BMX: variants seen among roughly 807,000 people sequenced by gnomAD.
The protein encoded by BMX is BMX non-receptor tyrosine kinase, also known as cytoplasmic tyrosine-protein kinase BMX.
BMX carries 31 observed loss-of-function variants against 59.2 expected under a neutral mutation model. The ratio of observed to expected loss-of-function variants is 0.52; its 90% CI spans 0.39 to 0.71. The LOEUF is 0.71. Ranked by LOEUF, BMX falls within the 30% of genes least tolerant of loss-of-function variation. BMX has a pLI of 0.00. For missense variants in BMX, 474 were observed against 491.7 expected, an observed-to-expected ratio of 0.96 and a Z score of 0.34; for synonymous variants, 185 against 181.0, an observed-to-expected ratio of 1.02 and a Z score of -0.18.
At chrX:15,518,703 A>G (rs886347431) in intron 6 of BMX, among the ~76,000 whole-genome samples, 6 of 111,184 alleles carry the variant, frequency 5.4e-5, no homozygotes, top group Non-Finnish European at 1.1e-4. Flanking sequence ...GCTGAGATTC[A>G]TGGCCCTTTC....
In BMX at chrX:15,546,909, G is replaced by C. The variant is rs746626126; in HGVS notation, c.1783G>C (p.Val595Leu). The C allele has an allele frequency of 2.5e-6, 3 of 1,206,075 alleles. No homozygotes were observed. The highest frequency in any genetic ancestry group is 3.4e-6 in the Non-Finnish European group (3 of 890,740). The change falls in exon 17 of 19, where the codon GTA (valine) becomes CTA (leucine). Residue 595 changes from valine to leucine, a missense_variant. Transcript: ENST00000348343. ...HYFKYSSKSD[V>L]WAFGILMWEV... Reference sequence around the variant, plus strand: ...CTTCAAATACAGCAGCAAGTCAGACGTATGGGCATTTGGTAAGGATGTGGC... The same window carrying C: ...CTTCAAATACAGCAGCAAGTCAGACCTATGGGCATTTGGTAAGGATGTGGC...
intron 16 of BMX, among the ~76,000 whole-genome samples, chrX:15,543,918 C>G (rs1925823048): frequency 8.9e-6 from 1 of 111,851 alleles, no homozygotes; most frequent in African/African-American, 3.2e-5. Context: ...CGAAGACATA[C>G]ACATTAACCT....
intron 9 of BMX, 79 bp from the exon 10 acceptor site, chrX:15,529,894 T>C: frequency 1.1e-6 from 1 of 940,200 alleles, no homozygotes. Flanking sequence ...TGCCTCATTT[T>C]ACAGATTAGA....
In BMX at chrX:15,521,796, C is replaced by T. The variant is rs764977354; in HGVS notation, c.511-550C>T. On this transcript the variant is annotated intron_variant, in intron 6 of 18. Transcript: ENST00000348343. ...AAAATCCAGAATAGTTGCCCCATCT[C>T]GAAATCCTTAATTACAATCTGCAAA... Among the ~76,000 whole-genome samples, 4 of 111,601 alleles carry T rather than the reference C, an allele frequency of 3.6e-5. No individual in the cohort carries two copies. The East Asian group carries it at 1.1e-3, about 32-fold the overall frequency.
At chrX:15,519,115 T>C (rs1235587640) in intron 6 of BMX, among the ~76,000 whole-genome samples, 1 of 111,772 alleles carries the variant, frequency 8.9e-6, no homozygotes, top group East Asian at 2.8e-4. Context: ...TTTTTAGGGT[T>C]CCCAGGCAGG....
rs1284788838 is a variant in BMX, at chrX:15,509,351, C to T, written c.161C>T (p.Ser54Phe). 25 of 1,201,945 alleles carry T rather than the reference C, an allele frequency of 2.1e-5. No individual in the cohort carries two copies. Among genetic ancestry groups the T allele is most frequent in the Non-Finnish European group, 2.8e-5 (25 of 891,732 alleles). The change falls in exon 3 of 19, where the codon TCC becomes TTC. Residue 54 changes from serine to phenylalanine, a missense_variant. Ser to Phe is a radical substitution (Grantham distance 155). Transcript: ENST00000348343. The part of the protein sequence containing the change: ...DKMKRGSRKG[S>F]IEIKKIRCVE... ...CAGAAAAGGGGCAGCAGAAAAGGAT[C>T]CATTGAAATTAAGAAAATCAGATGT...
intron 10 of BMX, among the ~76,000 whole-genome samples, 153 bp downstream of exon 10, chrX:15,530,180 A>G (rs773110872): frequency 3.3e-4 from 37 of 111,945 alleles, no homozygotes; most frequent in African/African-American, 1.2e-3. Context: ...CCGACTCTTC[A>G]TGTCTAGCCA....
At chrX:15,509,269 C>T in intron 2 of BMX, 60 bp from the exon 3 acceptor site, 1 of 737,311 alleles carries the variant, frequency 1.4e-6, no homozygotes, top group Non-Finnish European at 1.8e-6. Flanking sequence ...GGCTTTATGC[C>T]TTTCCTTGTG....
rs748278256 is a variant in BMX at position 15,518,030 on chromosome X, G to T, written c.510+37G>T. The T allele has an allele frequency of 5.4e-6, 6 of 1,102,448 alleles. No homozygotes were observed. The East Asian group carries it at 1.8e-4, about 33-fold the overall frequency. The allele number at this position is 1,102,448 out of a possible 1,213,427, so 90.9% of individuals were successfully genotyped here. A position where few individuals can be genotyped will look rare whatever the true frequency, so the allele number is the denominator to read the frequency against. The stretch of plus-strand genomic sequence containing the variant: ...TTTTAAAAATGTTTTTCATGGTCAG[G>T]ATATATTAAATAAACCAAGAGTTGC... On this transcript the variant is annotated intron_variant, in intron 6 of 18. Coordinates refer to ENST00000348343, the MANE Select transcript of BMX (RefSeq NM_203281.3).
chrX:15,527,283 TAC>T lies in BMX; in HGVS notation c.884+1206_884+1207del, dbSNP rs1215070031. 1.8e-3 allele frequency among the ~76,000 whole-genome samples: 120 copies of T among 65,795 alleles called. 1 individual carries two copies. The highest frequency in any genetic ancestry group is 7.8e-3 in the African/African-American group (116 of 14,877). The allele number at this position is 65,795 out of a possible 115,157, so 57.1% of individuals were successfully genotyped here. On this transcript the variant is annotated intron_variant, in intron 9 of 18. Coordinates refer to ENST00000348343, the MANE Select transcript of BMX (RefSeq NM_203281.3). ...ATATATATATATATATATATATATA[TAC>T]ACACACACACACACACATATATATA...
Position 15,524,412 on chromosome X carries a change from C to T in BMX, c.753-876C>T, listed in dbSNP as rs184976519. On this transcript the variant is annotated intron_variant, in intron 7 of 18. Coordinates refer to ENST00000348343, the MANE Select transcript of BMX (RefSeq NM_203281.3). ...GCATACAGTTCAGTAGTGTTAAGTA[C>T]ATTTACATTGTTGTGCAAATTGCCT... is the stretch of plus-strand genomic sequence containing the variant. 1.5e-4 allele frequency among the ~76,000 whole-genome samples: 17 copies of T among 112,407 alleles called. No homozygotes were observed. In the East Asian group the frequency reaches 3.6e-3, roughly 24 times the overall value.
intron 16 of BMX, among the ~76,000 whole-genome samples, chrX:15,544,596 A>C (rs1473481205): frequency 9.0e-6 from 1 of 111,618 alleles, no homozygotes; most frequent in East Asian, 2.8e-4. Context: ...CAAAGAAAAA[A>C]GAGATCTTGC....
chrX:15,530,070 G>T, intron 10 of BMX, 43 bp downstream of exon 10: 1 of 1,126,580 alleles, frequency 8.9e-7, no homozygotes, highest in South Asian at 1.9e-5. Context: ...GAATCTCTTT[G>T]CATTTTGGGG....
intron 10 of BMX, 50 bp from the exon 11 acceptor site, chrX:15,531,278 A>C: frequency 1.9e-6 from 2 of 1,056,947 alleles, no homozygotes; most frequent in Non-Finnish European, 2.6e-6. Flanking sequence ...ATCATTTTCA[A>C]GAATGATGAA....
At chrX:15,555,456 A>C (rs1228985275) in intron 18 of BMX, among the ~76,000 whole-genome samples, 1 of 110,243 alleles carries the variant, frequency 9.1e-6, no homozygotes, top group Non-Finnish European at 1.9e-5. Context: ...TGATCCACTC[A>C]CCTCAGCCTC....
Position 15,556,219 on chromosome X carries a change from T to C in BMX, c.*72T>C. 1 of 953,370 alleles carries C rather than the reference T, an allele frequency of 1.0e-6. No homozygotes were observed. The highest frequency in any genetic ancestry group is 1.4e-6 in the Non-Finnish European group (1 of 692,037). 78.6% of individuals were successfully genotyped at this position (953,370 alleles called of 1,213,427 possible). ...GCATTTTCATTCATTTTAAGGAAAG[T>C]AGCAAGGCATAATGTAATTTAGCTA... On this transcript the variant is annotated 3_prime_UTR_variant, in exon 19 of 19. Transcript: ENST00000348343.
chrX:15,554,482 TTTAAG>T (rs1194345921), intron 18 of BMX, among the ~76,000 whole-genome samples: 7 of 111,719 alleles, frequency 6.3e-5, no homozygotes, highest in African/African-American at 2.3e-4. Flanking sequence ...AGAGTAATAC[TTTAAG>T]TTATCAGCTT....
At chrX:15,521,076 A>T (rs770387829) in intron 6 of BMX, among the ~76,000 whole-genome samples, 1 of 112,144 alleles carries the variant, frequency 8.9e-6, no homozygotes, top group African/African-American at 3.2e-5. Context: ...TATAACATTA[A>T]CATAGAAAAG....
chrX:15,534,272 C>T lies in BMX; in HGVS notation c.1080C>T (p.Tyr360=), dbSNP rs1448639867. ...ATACAAATGCTGAGAACAAATTATA[C>T]CTGGCAGAAAACTACTGTTTTGATT... ...HVHTNAENKL[Y]LAENYCFDSI... Residue 360 remains tyrosine, a synonymous_variant, in exon 12 of 19, where the codon TAC becomes TAT. Coordinates refer to ENST00000348343, the MANE Select transcript of BMX (RefSeq NM_203281.3). The T allele has an allele frequency of 1.7e-6, 2 of 1,195,424 alleles. No homozygotes were observed. The highest frequency in any genetic ancestry group is 3.7e-5 in the South Asian group (2 of 54,739).
Sources: allele counts gnomAD v4.1 joint callset (sites outside exome capture counted in the v4.1 genomes callset), GRCh38; gene constraint gnomAD v4.1.1; transcripts MANE v1.5; gene names NCBI Gene and HGNC (gene_info 2026-07-23, HGNC 2026-07-21).